Variants in MYH11 observed in about 807,000 individuals in gnomAD.
MYH11 encodes the protein myosin heavy chain 11, also known as myosin-11.
In MYH11, 80 loss-of-function variants were observed where a neutral mutation model predicts 246.6. That is an observed-to-expected ratio of 0.32 (90% CI 0.27 to 0.39). The LOEUF (loss-of-function observed/expected upper bound fraction) is 0.39, where lower values mean the gene tolerates loss of function less well. Ranked by LOEUF, MYH11 falls within the 10% of genes least tolerant of loss-of-function variation. The probability of loss-of-function intolerance (pLI) is 1.00; values close to 1 mark genes in which losing one functional copy is unlikely to be tolerated. For synonymous variants in MYH11, 1,071 were observed against 1,015.5 expected, an observed-to-expected ratio of 1.05 and a Z score of -1.04; for missense variants, 2,158 against 2,546.8, an observed-to-expected ratio of 0.85 and a Z score of 3.29.
At chr16:15,797,531 A>ACCT (rs1377426859) in intron 4 of MYH11, among the ~76,000 whole-genome samples, 1 of 146,096 alleles carries the variant, frequency 6.8e-6, no homozygotes, top group East Asian at 1.9e-4. Flanking sequence ...TTGCTTCCAG[A>ACCT]CCTTCAAATA....
In MYH11 at chr16:15,721,598, C is replaced by T. The variant is rs758895653; in HGVS notation, c.4402G>A (p.Ala1468Thr). 17 of 1,614,154 alleles carry T rather than the reference C, an allele frequency of 1.1e-5. No individual in the cohort carries two copies. The highest frequency in any genetic ancestry group is 2.2e-5 in the South Asian group (2 of 91,082). The change falls in exon 32 of 41, where the codon GCG becomes ACG. Residue 1468 changes from alanine (A) to threonine (T), a missense_variant. Around this residue, in one of 11 missense-constraint regions of MYH11, gnomAD observed 1,013 missense variants for 993.5 expected, o/e 1.02. Coordinates refer to ENST00000300036, the MANE Select transcript of MYH11 (RefSeq NM_002474.3). ...AEEKNISSKY[A>T]DERDRAEAEA... Reference sequence around the variant, plus strand: ...GCCTCAGCTCTGTCCCTCTCATCCGCGTATTTGGAAGAGATGTTTTTCTCC... The same window carrying T: ...GCCTCAGCTCTGTCCCTCTCATCCGTGTATTTGGAAGAGATGTTTTTCTCC...
At chr16:15,829,947 C>A (rs976001431) in intron 2 of MYH11, among the ~76,000 whole-genome samples, 9 of 151,990 alleles carry the variant, frequency 5.9e-5, no homozygotes, top group African/African-American at 1.9e-4. Context: ...CCAGCCCGGC[C>A]AACACAGTGA....
At chr16:15,718,474 C>T in intron 36 of MYH11, 36 bp from the exon 37 acceptor site, 1 of 1,538,262 alleles carries the variant, frequency 6.5e-7, no homozygotes, top group East Asian at 2.4e-5. Flanking sequence ...GGCCTCTACC[C>T]TCCCCCGCCT....
At chr16:15,753,160 G>A (rs904468750) in intron 15 of MYH11, among the ~76,000 whole-genome samples, 21 of 152,192 alleles carry the variant, frequency 1.4e-4, no homozygotes, top group African/African-American at 5.1e-4. Flanking sequence ...TATTGCCTGA[G>A]CCCTGACCTC....
In MYH11 at chr16:15,834,302, G is replaced by A. The variant is rs139089839; in HGVS notation, c.345+3606C>T. On this transcript the variant is annotated intron_variant, in intron 2 of 40. Coordinates refer to ENST00000300036, the MANE Select transcript of MYH11 (RefSeq NM_002474.3). ...AGCACTTTGGGAGGCCGAGGCAAGT[G>A]GATCACCTGAGGTCAGGAGTTGGAG... 5.0e-3 allele frequency among the ~76,000 whole-genome samples: 761 copies of A among 152,192 alleles called. 7 individuals are homozygous for A. The highest frequency in any genetic ancestry group is 0.02 in the Middle Eastern group (6 of 294).
chr16:15,771,489 T>A, intron 9 of MYH11, 80 bp downstream of exon 9: 1 of 1,450,158 alleles, frequency 6.9e-7, no homozygotes, highest in Non-Finnish European at 9.6e-7. Context: ...CAGAAATCTG[T>A]CCTGACCAGA....
chr16:15,718,657 G>C, intron 36 of MYH11: 1 of 637,446 alleles, frequency 1.6e-6, no homozygotes, highest in South Asian at 2.0e-5. Flanking sequence ...TTGGGATGGG[G>C]ACCAGCACAC....
intron 23 of MYH11, 85 bp downstream of exon 23, chr16:15,739,966 T>G: frequency 1.4e-6 from 2 of 1,446,082 alleles, no homozygotes; most frequent in South Asian, 2.3e-5. Flanking sequence ...AGTCTCAAAC[T>G]CCTGGCCTCA....
chr16:15,759,784 A>G lies in MYH11; in HGVS notation c.1249-56T>C, dbSNP rs1343161587. ...TTCTCAATGGGCTCCATTTTCACATAAGCCAGGCTGGTGGTGAAGATTTTT... is the reference window on the plus strand; with the variant it reads ...TTCTCAATGGGCTCCATTTTCACATGAGCCAGGCTGGTGGTGAAGATTTTT... On this transcript the variant is annotated intron_variant, in intron 11 of 40. Transcript: ENST00000300036. 4.4e-6 allele frequency: 7 copies of G among 1,605,050 alleles called. No individual in the cohort carries two copies. In the East Asian group the frequency reaches 1.6e-4, roughly 36 times the overall value.
chr16:15,756,764 G>T (rs1329557955), intron 13 of MYH11, among the ~76,000 whole-genome samples: 1 of 151,028 alleles, frequency 6.6e-6, no homozygotes, highest in Non-Finnish European at 1.5e-5. Context: ...TGGGCAACAC[G>T]CAGGCAACAT....
At chr16:15,708,376 C>G (rs2039581863) in intron 40 of MYH11, among the ~76,000 whole-genome samples, 1 of 152,156 alleles carries the variant, frequency 6.6e-6, no homozygotes, top group African/African-American at 2.4e-5. Flanking sequence ...CAGGAATGTG[C>G]CCAGATAGTG....
intron 3 of MYH11, among the ~76,000 whole-genome samples, chr16:15,809,185 G>A (rs931515161): frequency 3.3e-5 from 5 of 152,116 alleles, no homozygotes; most frequent in African/African-American, 9.7e-5. Flanking sequence ...GATTCAATTC[G>A]TATTTACACA....
At chr16:15,802,122 A>G (rs2042901582) in intron 3 of MYH11, among the ~76,000 whole-genome samples, 1 of 152,212 alleles carries the variant, frequency 6.6e-6, no homozygotes, top group African/African-American at 2.4e-5. Flanking sequence ...TGGTCAATAG[A>G]AAAAGAGTCG....
At chr16:15,769,630 T>C (rs1186425096) in intron 9 of MYH11, among the ~76,000 whole-genome samples, 2 of 152,348 alleles carry the variant, frequency 1.3e-5, no homozygotes, top group East Asian at 1.9e-4. Context: ...GATCTTGCCA[T>C]GTTGCCCAGG....
chr16:15,841,192 G>T (rs1484514342), intron 1 of MYH11, among the ~76,000 whole-genome samples: 1 of 152,178 alleles, frequency 6.6e-6, no homozygotes, highest in African/African-American at 2.4e-5. Context: ...ATGCTGGAGG[G>T]CAGTGGTGCA....
At chr16:15,732,858 A>G (rs1484465942) in intron 26 of MYH11, 150 bp from the exon 27 acceptor site, 3 of 962,926 alleles carry the variant, frequency 3.1e-6, no homozygotes, top group Non-Finnish European at 4.8e-6. Flanking sequence ...TCATTCACCT[A>G]ACATCTCTGG....
chr16:15,730,058 T>C (rs1430132548), intron 27 of MYH11, among the ~76,000 whole-genome samples: 6 of 152,148 alleles, frequency 3.9e-5, no homozygotes, highest in African/African-American at 7.2e-5. Flanking sequence ...TGTTTAAAAG[T>C]GTCTGGCAGC....
At chr16:15,758,112 T>A in intron 12 of MYH11, 112 bp from the exon 13 acceptor site, 1 of 1,499,586 alleles carries the variant, frequency 6.7e-7, no homozygotes, top group Non-Finnish European at 9.2e-7. Context: ...CCACATCCTG[T>A]TCTGCCATCC....
At chr16:15,767,129 A>T (rs761168693) in intron 9 of MYH11, among the ~76,000 whole-genome samples, 1 of 151,948 alleles carries the variant, frequency 6.6e-6, no homozygotes, top group Non-Finnish European at 1.5e-5. Context: ...TCATGGATGG[A>T]TGGGTGGGTA....
Sources: allele counts gnomAD v4.1 joint callset (sites outside exome capture counted in the v4.1 genomes callset), GRCh38; gene constraint gnomAD v4.1.1; regional missense constraint gnomAD v4.1.1; transcripts MANE v1.5; gene names NCBI Gene and HGNC (gene_info 2026-07-23, HGNC 2026-07-21).